Variants in POLR1D observed in about 807,000 individuals in gnomAD.
POLR1D encodes RNA polymerase I and III subunit D.
In POLR1D, 8 loss-of-function variants were observed where a neutral mutation model predicts 10.8. The ratio of observed to expected loss-of-function variants is 0.74; its 90% CI spans 0.43 to 1.33. The LOEUF (loss-of-function observed/expected upper bound fraction) is 1.33, where lower values mean the gene tolerates loss of function less well. Among genes scored for constraint, POLR1D ranks in the 40% most tolerant of loss-of-function variants. The pLI is 0.01. For synonymous variants in POLR1D, 54 were observed against 57.2 expected (o/e 0.94, Z 0.25); for missense variants, 152 against 161.7 (o/e 0.94, Z 0.32).
intron 2 of POLR1D, among the ~76,000 whole-genome samples, chr13:27,658,539 G>A (rs1301136433): frequency 6.6e-6 from 1 of 152,184 alleles, no homozygotes; most frequent in African/African-American, 2.4e-5. Context: ...AGAGTGAGTG[G>A]TATTATTTTT....
exon 3 of POLR1D, chr13:27,667,171 C>G (rs1428438004): frequency 7.2e-5 from 11 of 152,214 alleles, no homozygotes; most frequent in African/African-American, 2.2e-4. Flanking sequence ...TCTTGATCCA[C>G]CCCTTCTCCC....
downstream of POLR1D, among the ~76,000 whole-genome samples, chr13:27,624,892 A>C (rs558229971): frequency 1.3e-5 from 2 of 152,296 alleles, no homozygotes; most frequent in African/African-American, 4.8e-5. Context: ...TGTCTCAAAA[A>C]AATATATAAA....
chr13:27,641,699 A>G (rs913687926), intron 1 of POLR1D, among the ~76,000 whole-genome samples: 1 of 152,186 alleles, frequency 6.6e-6, no homozygotes, highest in Non-Finnish European at 1.5e-5. Flanking sequence ...CAGTGGGCCT[A>G]TAAGAAAGGA....
chr13:27,626,285 G>T (rs553650394), downstream of POLR1D, among the ~76,000 whole-genome samples: 1 of 152,236 alleles, frequency 6.6e-6, no homozygotes, highest in Non-Finnish European at 1.5e-5. Flanking sequence ...ACAGACTGAT[G>T]ATAGTAGATG....
intron 1 of POLR1D, chr13:27,648,200 TA>T: frequency 1.9e-6 from 1 of 517,238 alleles, no homozygotes; most frequent in South Asian, 2.0e-5. Flanking sequence ...CTTCTCTTTA[TA>T]TTAATAGTTT....
downstream of POLR1D, among the ~76,000 whole-genome samples, chr13:27,625,438 G>T (rs1955999305): frequency 6.6e-6 from 1 of 152,092 alleles, no homozygotes; most frequent in Admixed American, 6.6e-5. Flanking sequence ...AACTGTGGAA[G>T]ATGAAGAATC....
upstream of POLR1D, chr13:27,621,837 C>A: frequency 2.5e-6 from 2 of 803,508 alleles, no homozygotes; most frequent in East Asian, 2.8e-5. Flanking sequence ...GGCCCTGCCG[C>A]GCCGCTGCGG....
Position 27,623,058 on chromosome 13 carries a change from C to T in POLR1D, c.210C>T (p.Tyr70=), listed in dbSNP as rs1955966822. The change falls in exon 2 of 2, where the codon TAC becomes TAT. Residue 70 remains tyrosine (Y), a synonymous_variant. Coordinates refer to ENST00000302979, the MANE Select transcript of POLR1D (RefSeq NM_015972.4). Reference sequence around the variant, plus strand: ...ACCCGGAAGTGGAATTTTGTGGTTACACTACGACCCATCCTTCAGAGAGCA... The same window carrying T: ...ACCCGGAAGTGGAATTTTGTGGTTATACTACGACCCATCCTTCAGAGAGCA... The part of the protein sequence containing the change: ...MKNPEVEFCG[Y]TTTHPSESKI... The T allele has an allele frequency of 6.2e-7, 1 of 1,613,866 alleles. No individual in the cohort carries two copies. The highest frequency in any genetic ancestry group is 1.1e-5 in the South Asian group (1 of 91,074).
chr13:27,636,556 T>C (rs1956125801), intron 1 of POLR1D, among the ~76,000 whole-genome samples: 1 of 152,088 alleles, frequency 6.6e-6, no homozygotes, highest in Non-Finnish European at 1.5e-5. Flanking sequence ...ATGTCCCGAT[T>C]TCTATCAAGC....
At position 27,623,246 on chromosome 13, in the gene POLR1D, T is replaced by G; in HGVS notation, c.398T>G (p.Phe133Cys). ...AAAGCAAGCAGAAATGAATCCACAT[T>G]CTAGTCCTTTATGCAGTATACAAGG... ...DQKASRNESTF is the reference protein window; with the variant it reads ...DQKASRNESTC The change falls in exon 2 of 2, where the codon TTC becomes TGC. Residue 133 changes from phenylalanine (F) to cysteine (C), a missense_variant. Coordinates refer to ENST00000302979, the MANE Select transcript of POLR1D (RefSeq NM_015972.4). 2 of 1,613,722 alleles carry G rather than the reference T, an allele frequency of 1.2e-6. No homozygotes were observed. Among genetic ancestry groups the G allele is most frequent in the Non-Finnish European group, 8.5e-7 (1 of 1,180,004 alleles).
Position 27,623,369 on chromosome 13 carries a change from C to T in POLR1D, c.*119C>T. The stretch of plus-strand genomic sequence containing the variant: ...CTCTGTCCTTCAGAAAGGCGTGATT[C>T]TAGCTGTTGACCCCTTGCAGCTGTT... On this transcript the variant is annotated 3_prime_UTR_variant, in exon 2 of 2. Transcript: ENST00000302979. 2 of 1,538,424 alleles carry T rather than the reference C, an allele frequency of 1.3e-6. No individual in the cohort carries two copies. The highest frequency in any genetic ancestry group is 2.4e-5 in the South Asian group (2 of 83,648).
chr13:27,663,951 A>G lies in POLR1D; in HGVS notation c.102-1735A>G, dbSNP rs574632090. The stretch of plus-strand genomic sequence containing the variant: ...CAAAGACAGGCCCTCTAAGCTTTTT[A>G]CTCTCTGTGATGGAGGGTAGTTTTT... On this transcript the variant is annotated intron_variant, in intron 2 of 2. Transcript: ENST00000399697. This position sits in a 1 kb window ranked among gnomAD's most constrained non-coding sequence, Gnocchi z 4.1. Among the ~76,000 whole-genome samples, 1 of 152,240 alleles carries G rather than the reference A, an allele frequency of 6.6e-6. No homozygotes were observed. The highest frequency in any genetic ancestry group is 2.4e-5 in the African/African-American group (1 of 41,536).
intron 1 of POLR1D, among the ~76,000 whole-genome samples, chr13:27,646,961 G>A (rs1444608463): frequency 2.6e-5 from 4 of 152,064 alleles, no homozygotes; most frequent in African/African-American, 9.7e-5. Context: ...ATAGTATATG[G>A]TAGCATTATA....
chr13:27,645,927 A>G (rs1956216550), intron 1 of POLR1D, among the ~76,000 whole-genome samples: 1 of 152,228 alleles, frequency 6.6e-6, no homozygotes, highest in Admixed American at 6.5e-5. Flanking sequence ...TCAAACTTCA[A>G]GCTCTTGAAA....
Position 27,665,874 on chromosome 13 carries a change from CTCGAGGTTCCG to C in POLR1D, c.291_301del (p.Arg98GlnfsTer76). 1 of 1,614,148 alleles carries C rather than the reference CTCGAGGTTCCG, an allele frequency of 6.2e-7. No homozygotes were observed. Among genetic ancestry groups the C allele is most frequent in the Non-Finnish European group, 8.5e-7 (1 of 1,179,962 alleles). On this transcript the variant is annotated frameshift_variant, in exon 3 of 3. Transcript: ENST00000399697. LOFTEE classifies it low-confidence loss of function (END_TRUNC). ...CATCCTTACAAGCACAGCTTCCGCG[CTCGAGGTTCCG>C]CCAGTTACTCCCCGCCACGAAAGCG...
chr13:27,630,300 C>T (rs1956060669), intron 1 of POLR1D, among the ~76,000 whole-genome samples: 1 of 152,104 alleles, frequency 6.6e-6, no homozygotes, highest in Non-Finnish European at 1.5e-5. Flanking sequence ...TAAGTTTTAC[C>T]TTCCTGACTG....
chr13:27,650,248 A>G (rs1304156618), intron 2 of POLR1D: 1 of 388,556 alleles, frequency 2.6e-6, no homozygotes, highest in Non-Finnish European at 4.5e-6. Context: ...ATAGGTTTGA[A>G]GTCATGATAT....
chr13:27,663,142 G>C lies in POLR1D; in HGVS notation c.102-2544G>C, dbSNP rs1304143601. Among the ~76,000 whole-genome samples, 2 of 152,162 alleles carry C rather than the reference G, an allele frequency of 1.3e-5. No individual in the cohort carries two copies. Among genetic ancestry groups the C allele is most frequent in the African/African-American group, 4.8e-5 (2 of 41,440 alleles). Reference sequence around the variant, plus strand: ...CTTGGATCTATTCTGTGCAGATTTTGGAATTTCTTTATATAAAATGATTTA... The same window carrying C: ...CTTGGATCTATTCTGTGCAGATTTTCGAATTTCTTTATATAAAATGATTTA... On this transcript the variant is annotated intron_variant, in intron 2 of 2. Transcript: ENST00000399697. This position sits in a 1 kb window ranked among gnomAD's most constrained non-coding sequence, Gnocchi z 4.1.
chr13:27,666,868 C>G (rs1956423466), exon 3 of POLR1D: 2 of 152,054 alleles, frequency 1.3e-5, no homozygotes, highest in African/African-American at 4.8e-5. Context: ...AAAATGTCAC[C>G]AAGCACCCTC....
Sources: gnomAD v4.1 joint callset for allele counts (sites outside exome capture counted in the v4.1 genomes callset) on GRCh38, gnomAD v4.1.1 for gene constraint, Gnocchi (gnomAD v3.1) non-coding constraint, MANE v1.5 for transcripts, NCBI Gene and HGNC (gene_info 2026-07-23, HGNC 2026-07-21) for gene names.